The following CACNA1A variants were observed in gnomAD, a reference collection of about 807,000 sequenced individuals.
The protein encoded by CACNA1A is calcium voltage-gated channel subunit alpha1 A, also known as voltage-dependent P/Q-type calcium channel subunit alpha-1A.
CACNA1A carries 57 observed loss-of-function variants against 262.4 expected under a neutral mutation model. That is an observed-to-expected ratio of 0.22 (90% CI 0.18 to 0.27). The LOEUF (loss-of-function observed/expected upper bound fraction) is 0.27, where lower values mean the gene tolerates loss of function less well. Ranked by LOEUF, CACNA1A falls within the 10% of genes least tolerant of loss-of-function variation. The pLI is 1.00. For missense variants in CACNA1A, 2,526 were observed against 3,562.8 expected, an observed-to-expected ratio of 0.71 and a Z score of 7.41; for synonymous variants, 1,431 against 1,419.3, an observed-to-expected ratio of 1.01 and a Z score of -0.18.
chr19:13,343,688 G>C (rs1336707656), intron 6 of CACNA1A, among the ~76,000 whole-genome samples: 3 of 152,072 alleles, frequency 2.0e-5, no homozygotes, highest in Non-Finnish European at 4.4e-5. Context: ...TTTCAGAAAT[G>C]ATGCAAATAT....
chr19:13,423,495 A>ATTTTC (rs375244296), intron 3 of CACNA1A, among the ~76,000 whole-genome samples: 5 of 151,672 alleles, frequency 3.3e-5, no homozygotes, highest in South Asian at 4.2e-4. Flanking sequence ...CCCAGAGAGA[A>ATTTTC]TTTTCTTTTC....
chr19:13,334,317 T>A (rs2058518658), intron 8 of CACNA1A, 61 bp downstream of exon 8: 3 of 920,196 alleles, frequency 3.3e-6, no homozygotes, highest in Non-Finnish European at 5.5e-6. Context: ...ACTGCATGAC[T>A]CTCTTTGTAC....
rs16032 is a variant in CACNA1A, at chr19:13,255,268, G to C, written c.4591-9C>G. 1.3e-4 allele frequency: 201 copies of C among 1,585,784 alleles called. 3 individuals carry two copies. The East Asian group carries it at 1.4e-3, about 11-fold the overall frequency. On this transcript the variant is annotated splice_polypyrimidine_tract_variant and intron_variant, in intron 28 of 46. Transcript: ENST00000360228. ...AAATCAATGCAGGCCCTCTGCGGGAGAGAGGCCAGTGGTGAGAGCGGCAGA... is the reference window on the plus strand; with the variant it reads ...AAATCAATGCAGGCCCTCTGCGGGACAGAGGCCAGTGGTGAGAGCGGCAGA...
At position 13,303,892 on chromosome 19, in the gene CACNA1A, G is replaced by A; in HGVS notation, c.1987-8C>T. ...GTCTTCGCCCGTCAGGATCTGAAAG[G>A]GGAGGAAGAAACACACAGCCAACCC... On this transcript the variant is annotated splice_polypyrimidine_tract_variant and splice_region_variant and intron_variant, in intron 15 of 46. Coordinates refer to ENST00000360228, the MANE Select transcript of CACNA1A (RefSeq NM_001127222.2). 6.3e-7 allele frequency: 1 copy of A among 1,598,870 alleles called. No individual in the cohort carries two copies. The highest frequency in any genetic ancestry group is 8.6e-7 in the Non-Finnish European group (1 of 1,167,546).
chr19:13,209,389 C>A lies in CACNA1A; in HGVS notation c.6449G>T (p.Arg2150Leu). The change falls in exon 45 of 47, where the codon CGG becomes CTG. Residue 2150 changes from arginine (R) to leucine (L), a missense_variant. Arg to Leu is a moderately radical substitution (Grantham distance 102). This residue lies in a region of CACNA1A where 929 missense variants were observed against 868.1 expected (regional missense o/e 1.07). Coordinates refer to ENST00000360228, the MANE Select transcript of CACNA1A (RefSeq NM_001127222.2). ...GCGGTCGCGGCGCCGCTGGTGGTGC[C>A]GCTGGTTCTCCTCGGGCGGGACCCG... ...LERVPPEENQ[R>L]HHQRRRDRSH... 2.1e-6 allele frequency: 3 copies of A among 1,396,374 alleles called. No individual in the cohort carries two copies. Among genetic ancestry groups the A allele is most frequent in the South Asian group, 1.7e-5 (1 of 57,836 alleles). The allele number at this position is 1,396,374 out of a possible 1,614,324, so 86.5% of individuals were successfully genotyped here.
chr19:13,231,032 C>G (rs1028624353), intron 35 of CACNA1A, among the ~76,000 whole-genome samples: 1 of 150,744 alleles, frequency 6.6e-6, no homozygotes, highest in Non-Finnish European at 1.5e-5. Context: ...GAGACAGGAT[C>G]TCATTCTGTC....
chr19:13,274,293 G>A (rs2057095698), intron 24 of CACNA1A: 1 of 152,174 alleles, frequency 6.6e-6, no homozygotes, highest in African/African-American at 2.4e-5. Context: ...TGTTCCCAGA[G>A]AAGAATCTAA....
chr19:13,305,710 T>G (rs953688624), intron 15 of CACNA1A, among the ~76,000 whole-genome samples: 1 of 152,190 alleles, frequency 6.6e-6, no homozygotes, highest in African/African-American at 2.4e-5. Context: ...AGGACAGACT[T>G]GTCCTTGGGT....
At position 13,245,235 on chromosome 19, in the gene CACNA1A, C is replaced by G; in HGVS notation, c.4897G>C (p.Asp1633His). 6.2e-7 allele frequency: 1 copy of G among 1,613,984 alleles called. No homozygotes were observed. The highest frequency in any genetic ancestry group is 8.5e-7 in the Non-Finnish European group (1 of 1,179,840). ...NYFRDAWNIF[D>H]FVTVLGSITD... is the part of the protein sequence containing the mutation. ...ATGCTGCCCAGAACAGTCACAAAGTCGAAGATGTTCCAGGCATCGCGGAAA... is the reference window on the plus strand; with the variant it reads ...ATGCTGCCCAGAACAGTCACAAAGTGGAAGATGTTCCAGGCATCGCGGAAA... Residue 1633 changes from aspartate to histidine, a missense_variant, in exon 31 of 47, where the codon GAC (aspartate) becomes CAC (histidine). Asp to His is a moderately conservative substitution (Grantham distance 81, BLOSUM62 -1). Coordinates refer to ENST00000360228, the MANE Select transcript of CACNA1A (RefSeq NM_001127222.2).
At chr19:13,436,265 G>A (rs2060609683) in intron 3 of CACNA1A, among the ~76,000 whole-genome samples, 1 of 152,178 alleles carries the variant, frequency 6.6e-6, no homozygotes. Context: ...CAGCTGCTGA[G>A]GCGAGTGTGA....
chr19:13,246,168 A>G (rs1229750100), intron 30 of CACNA1A, among the ~76,000 whole-genome samples: 1 of 152,184 alleles, frequency 6.6e-6, no homozygotes, highest in African/African-American at 2.4e-5. Context: ...CTGTGTGGCT[A>G]TGGGCAAGTG....
In CACNA1A at chr19:13,207,980, TGGC is replaced by T. The variant is rs1378887934; in HGVS notation, c.6851_6853del (p.Arg2284del). The T allele has an allele frequency of 1.5e-6, 2 of 1,320,076 alleles. No individual in the cohort carries two copies. The highest frequency in any genetic ancestry group is 3.2e-5 in the African/African-American group (2 of 63,110). The allele number at this position is 1,320,076 out of a possible 1,614,324, so 81.8% of individuals were successfully genotyped here. ...GGGGGTGGAGGGGGTCTGGGGGAGCTGGCGGCGGCCCCGCCGCGGAGTGCTGGT... is the reference window on the plus strand; with the variant it reads ...GGGGGTGGAGGGGGTCTGGGGGAGCTGGCGGCCCCGCCGCGGAGTGCTGGT... On this transcript the variant is annotated inframe_deletion, in exon 47 of 47. Coordinates refer to ENST00000360228, the MANE Select transcript of CACNA1A (RefSeq NM_001127222.2). The surrounding 1 kb of genome is among the most constrained non-coding windows in gnomAD (Gnocchi z 5.7).
At position 13,226,689 on chromosome 19, in the gene CACNA1A, C is replaced by G. The variant is rs933738039; in HGVS notation, c.5625+742G>C. 2.0e-5 allele frequency: 3 copies of G among 152,466 alleles called. 1 individual carries two copies. Among genetic ancestry groups the G allele is most frequent in the Non-Finnish European group, 4.4e-5 (3 of 68,258 alleles). 9.4% of individuals were successfully genotyped at this position (152,466 alleles called of 1,614,324 possible). Reference sequence around the variant, plus strand: ...CTCTCTCAGCCAGCATGCACCACCCCCCGTCGGCCATGGTGCCTGCCCGCC... The same window carrying G: ...CTCTCTCAGCCAGCATGCACCACCCGCCGTCGGCCATGGTGCCTGCCCGCC... On this transcript the variant is annotated intron_variant, in intron 37 of 46. Transcript: ENST00000360228.
intron 31 of CACNA1A, among the ~76,000 whole-genome samples, chr19:13,240,853 A>G (rs143823557): frequency 4.6e-5 from 7 of 152,342 alleles, no homozygotes; most frequent in Non-Finnish European, 1.0e-4. Context: ...CTGCGTGTGC[A>G]CGTACAGTTC....
At chr19:13,396,635 G>A (rs999241980) in intron 3 of CACNA1A, among the ~76,000 whole-genome samples, 3 of 152,180 alleles carry the variant, frequency 2.0e-5, no homozygotes, top group East Asian at 1.9e-4. Context: ...TGTGGCTAGT[G>A]GCTATCCTGC....
intron 37 of CACNA1A, chr19:13,225,094 C>A: frequency 3.9e-6 from 1 of 256,312 alleles, no homozygotes; most frequent in East Asian, 8.6e-5. Context: ...TCTGGATGGC[C>A]CCGTTTCAGT....
At chr19:13,418,200 T>C (rs891318239) in intron 3 of CACNA1A, among the ~76,000 whole-genome samples, 38 of 152,140 alleles carry the variant, frequency 2.5e-4, no homozygotes, top group African/African-American at 8.7e-4. Flanking sequence ...TTTGTTAATG[T>C]ATGAAAAGTC....
chr19:13,419,149 C>G (rs143225239), intron 3 of CACNA1A, among the ~76,000 whole-genome samples: 17 of 152,154 alleles, frequency 1.1e-4, no homozygotes, highest in Admixed American at 1.0e-3. Context: ...GAATTACAGG[C>G]GTGAGCCACC....
chr19:13,336,605 GAGAGAGAGA>G (rs2058577689), intron 6 of CACNA1A, among the ~76,000 whole-genome samples: 2 of 131,524 alleles, frequency 1.5e-5, no homozygotes, highest in African/African-American at 5.9e-5. Flanking sequence ...GAGAGAGAGA[GAGAGAGAGA>G]GAGAGAGAGA....
Sources: gnomAD v4.1 joint callset for allele counts (sites outside exome capture counted in the v4.1 genomes callset) on GRCh38, gnomAD v4.1.1 for gene constraint, gnomAD v4.1.1 regional missense constraint, Gnocchi (gnomAD v3.1) non-coding constraint, MANE v1.5 for transcripts, NCBI Gene and HGNC (gene_info 2026-07-23, HGNC 2026-07-21) for gene names.